Variants in RAB2A observed in about 807,000 individuals in gnomAD.
The protein encoded by RAB2A is RAB2A, member RAS oncogene family.
A neutral mutation model predicts 32.5 loss-of-function variants in RAB2A; 7 were observed. The observed-to-expected ratio is 0.22, with a 90% CI of 0.12 to 0.40. The LOEUF is 0.40. RAB2A is among the 10% of genes least tolerant of loss of function. The probability of loss-of-function intolerance (pLI) is 1.00; values close to 1 mark genes in which losing one functional copy is unlikely to be tolerated. For synonymous variants in RAB2A, 79 were observed against 85.2 expected, an observed-to-expected ratio of 0.93 and a Z score of 0.40; for missense variants, 108 against 260.7, an observed-to-expected ratio of 0.41 and a Z score of 4.03.
intron 5 of RAB2A, among the ~76,000 whole-genome samples, chr8:60,585,355 C>T (rs1803830891): frequency 6.6e-6 from 1 of 151,540 alleles, no homozygotes; most frequent in African/African-American, 2.4e-5. Flanking sequence ...CTCTGTTACC[C>T]AGGCTAGAGT....
chr8:60,609,098 T>TC (rs1804291085), intron 6 of RAB2A, among the ~76,000 whole-genome samples: 1 of 152,176 alleles, frequency 6.6e-6, no homozygotes, highest in Admixed American at 6.5e-5. Flanking sequence ...AGCATCAAAC[T>TC]CCTTAGCTTG....
At chr8:60,579,475 ATG>A (rs1449610182) in intron 3 of RAB2A, among the ~76,000 whole-genome samples, 1 of 152,204 alleles carries the variant, frequency 6.6e-6, no homozygotes, top group East Asian at 1.9e-4. Flanking sequence ...GTTTGACTAA[ATG>A]TGTTTTTCTT....
chr8:60,518,596 C>CAAAA (rs59503766), intron 1 of RAB2A, among the ~76,000 whole-genome samples: 8 of 45,510 alleles, frequency 1.8e-4, no homozygotes, highest in African/African-American at 4.7e-4. Context: ...GTGGAGTTTG[C>CAAAA]AAAAAAAAAA....
At chr8:60,562,495 TAAAG>T (rs1808039497) in intron 2 of RAB2A, among the ~76,000 whole-genome samples, 1 of 152,226 alleles carries the variant, frequency 6.6e-6, no homozygotes, top group Admixed American at 6.5e-5. Flanking sequence ...AGTCTGTTAT[TAAAG>T]AACAAAGATG....
chr8:60,604,515 G>T (rs1804193720), intron 6 of RAB2A, among the ~76,000 whole-genome samples: 1 of 152,136 alleles, frequency 6.6e-6, no homozygotes, highest in African/African-American at 2.4e-5. Flanking sequence ...CTTGAATTGT[G>T]ACCAAAATGC....
intron 1 of RAB2A, among the ~76,000 whole-genome samples, chr8:60,529,435 G>A (rs921221424): frequency 1.3e-5 from 2 of 152,098 alleles, no homozygotes; most frequent in African/African-American, 4.8e-5. Flanking sequence ...TCTTCTGTCA[G>A]ATTATTTCTC....
upstream of RAB2A, chr8:60,516,940 C>A: frequency 2.9e-6 from 1 of 350,654 alleles, no homozygotes; most frequent in Non-Finnish European, 5.2e-6. Flanking sequence ...GGCCGCAGAA[C>A]TTCCGGGTCG....
intron 5 of RAB2A, among the ~76,000 whole-genome samples, chr8:60,591,132 TAA>T (rs1166046831): frequency 6.6e-6 from 1 of 151,690 alleles, no homozygotes; most frequent in East Asian, 1.9e-4. Context: ...AATATAATAA[TAA>T]AGTTTTTTAA....
intron 1 of RAB2A, among the ~76,000 whole-genome samples, chr8:60,551,093 A>G (rs1230980807): frequency 6.6e-6 from 1 of 152,150 alleles, no homozygotes; most frequent in Admixed American, 6.5e-5. Context: ...TGGTTAAATA[A>G]CACATCTTCC....
At chr8:60,547,050 G>A (rs1241364111) in intron 1 of RAB2A, among the ~76,000 whole-genome samples, 5 of 151,120 alleles carry the variant, frequency 3.3e-5, no homozygotes, top group Non-Finnish European at 5.9e-5. Flanking sequence ...GCGGCCTTCC[G>A]CAGTGTTTGT....
chr8:60,542,595 C>T (rs1807664046), intron 1 of RAB2A, among the ~76,000 whole-genome samples: 1 of 152,156 alleles, frequency 6.6e-6, no homozygotes, highest in Non-Finnish European at 1.5e-5. Flanking sequence ...CATAGGCTTT[C>T]AGCTGAGTTT....
At chr8:60,523,213 A>C (rs1563457343) in intron 1 of RAB2A, among the ~76,000 whole-genome samples, 1 of 149,446 alleles carries the variant, frequency 6.7e-6, no homozygotes, top group Non-Finnish European at 1.5e-5. Flanking sequence ...GCTGGAGTGC[A>C]GTGGCGCAAT....
intron 6 of RAB2A, among the ~76,000 whole-genome samples, chr8:60,595,324 A>G (rs1169470145): frequency 2.6e-5 from 4 of 152,240 alleles, no homozygotes; most frequent in African/African-American, 9.6e-5. Flanking sequence ...TGGGGAATAA[A>G]GGGATTTGAT....
At chr8:60,527,230 G>A (rs1056372862) in intron 1 of RAB2A, among the ~76,000 whole-genome samples, 12 of 152,160 alleles carry the variant, frequency 7.9e-5, no homozygotes, top group African/African-American at 2.9e-4. Context: ...ACAGCAAGGG[G>A]AGGAATCCAC....
At chr8:60,535,839 C>T (rs1222240591) in intron 1 of RAB2A, among the ~76,000 whole-genome samples, 1 of 152,114 alleles carries the variant, frequency 6.6e-6, no homozygotes, top group East Asian at 1.9e-4. Context: ...CTTGATGGTC[C>T]TTGATATTGC....
intron 2 of RAB2A, among the ~76,000 whole-genome samples, chr8:60,561,380 A>G (rs1327475816): frequency 6.6e-6 from 1 of 152,200 alleles, no homozygotes; most frequent in Non-Finnish European, 1.5e-5. Context: ...CAAAAGGACA[A>G]TTTATTATTT....
At chr8:60,601,944 G>C (rs980036157) in intron 6 of RAB2A, among the ~76,000 whole-genome samples, 5 of 152,120 alleles carry the variant, frequency 3.3e-5, no homozygotes, top group African/African-American at 7.2e-5. Flanking sequence ...CTGGGGTACT[G>C]TGGTTTGAAC....
chr8:60,585,716 T>A (rs1206172252), intron 5 of RAB2A, among the ~76,000 whole-genome samples: 1 of 152,246 alleles, frequency 6.6e-6, no homozygotes, highest in Non-Finnish European at 1.5e-5. Context: ...TCAAAACTTT[T>A]ATCTCATTAA....
intron 5 of RAB2A, among the ~76,000 whole-genome samples, chr8:60,586,885 T>C (rs1333696419): frequency 6.7e-6 from 1 of 149,424 alleles, no homozygotes; most frequent in Non-Finnish European, 1.5e-5. Flanking sequence ...GCTATGATTG[T>C]GCCACCTGCA....
Sources: gnomAD v4.1 joint callset for allele counts (sites outside exome capture counted in the v4.1 genomes callset) on GRCh38, gnomAD v4.1.1 for gene constraint, MANE v1.5 for transcripts, NCBI Gene and HGNC (gene_info 2026-07-23, HGNC 2026-07-21) for gene names.